ASTN2: variants seen among roughly 807,000 people sequenced by gnomAD.
The protein encoded by ASTN2 is astrotactin 2, also known as astrotactin-2.
ASTN2 carries 54 observed loss-of-function variants against 139.8 expected under a neutral mutation model. The ratio of observed to expected loss-of-function variants is 0.39; its 90% CI spans 0.31 to 0.48. ASTN2 has a LOEUF of 0.48. ASTN2 is among the 20% of genes least tolerant of loss of function. The pLI, the probability that ASTN2 is intolerant of heterozygous loss-of-function variation, is 0.95. For missense variants in ASTN2, 1,565 were observed against 1,725.1 expected, an observed-to-expected ratio of 0.91 and a Z score of 1.64; for synonymous variants, 756 against 719.5, an observed-to-expected ratio of 1.05 and a Z score of -0.81.
At chr9:116,532,862 C>A (rs921805903) in intron 19 of ASTN2, among the ~76,000 whole-genome samples, 1 of 152,090 alleles carries the variant, frequency 6.6e-6, no homozygotes, top group African/African-American at 2.4e-5. Context: ...TTTGTTTCCA[C>A]ATGAACTTTA....
chr9:116,567,188 T>C (rs562044508), intron 19 of ASTN2, among the ~76,000 whole-genome samples: 1 of 152,354 alleles, frequency 6.6e-6, no homozygotes, highest in East Asian at 1.9e-4. Flanking sequence ...ACTGGCTGAT[T>C]TCCAACATAT....
At chr9:117,235,106 C>A (rs1833007480) in intron 2 of ASTN2, among the ~76,000 whole-genome samples, 1 of 152,034 alleles carries the variant, frequency 6.6e-6, no homozygotes, top group Non-Finnish European at 1.5e-5. Flanking sequence ...TGGTGACAGG[C>A]ACCTGTAATC....
rs10119375 is a variant in ASTN2 at position 116,565,255 on chromosome 9, C to T, written c.3355+53069G>A. Among the ~76,000 whole-genome samples, 118 of 111,038 alleles carry T rather than the reference C, an allele frequency of 1.1e-3. 1 individual carries two copies. The highest frequency in any genetic ancestry group is 4.3e-3 in the African/African-American group (108 of 25,320). 72.8% of individuals were successfully genotyped at this position (111,038 alleles called of 152,430 possible). On this transcript the variant is annotated intron_variant, in intron 19 of 22. Transcript: ENST00000313400. ...ACACACACACACACACACACACACA[C>T]ACATATGCCCCATACTGAGGAGATT...
At chr9:116,762,462 C>G (rs754377082) in intron 13 of ASTN2, among the ~76,000 whole-genome samples, 6 of 152,174 alleles carry the variant, frequency 3.9e-5, no homozygotes, top group Non-Finnish European at 8.8e-5. Context: ...GATGTGGACT[C>G]TTATCTATTG....
intron 3 of ASTN2, among the ~76,000 whole-genome samples, chr9:117,177,502 G>C (rs1048271639): frequency 6.6e-6 from 1 of 152,242 alleles, no homozygotes; most frequent in Middle Eastern, 3.4e-3. Flanking sequence ...CCTTAGAATT[G>C]TGTGACCAAA....
At chr9:117,106,024 T>C (rs1195117675) in intron 4 of ASTN2, among the ~76,000 whole-genome samples, 2 of 152,112 alleles carry the variant, frequency 1.3e-5, no homozygotes, top group Non-Finnish European at 2.9e-5. Context: ...TTCTGGAAGC[T>C]ACAGTAGAGT....
chr9:117,196,375 G>T (rs528002975), intron 3 of ASTN2, among the ~76,000 whole-genome samples: 1 of 152,250 alleles, frequency 6.6e-6, no homozygotes, highest in African/African-American at 2.4e-5. Context: ...TTCTACTCAG[G>T]ATTAATTACA....
chr9:116,586,946 C>T (rs1337928729), intron 19 of ASTN2, among the ~76,000 whole-genome samples: 1 of 152,040 alleles, frequency 6.6e-6, no homozygotes, highest in Non-Finnish European at 1.5e-5. Flanking sequence ...AGGAGCCACG[C>T]TCTCAAGTTG....
intron 19 of ASTN2, among the ~76,000 whole-genome samples, chr9:116,505,367 C>T (rs1850064078): frequency 6.6e-6 from 1 of 151,982 alleles, no homozygotes; most frequent in South Asian, 2.1e-4. Context: ...TCCACCTCTC[C>T]CTTACTGGAT....
At chr9:116,460,131 A>T (rs117703672) in intron 20 of ASTN2, among the ~76,000 whole-genome samples, 1 of 152,274 alleles carries the variant, frequency 6.6e-6, no homozygotes, top group Non-Finnish European at 1.5e-5. Context: ...AAACATGCTA[A>T]GTGAAAGAAT....
chr9:116,750,230 C>T (rs186831004), intron 13 of ASTN2, among the ~76,000 whole-genome samples: 39 of 152,248 alleles, frequency 2.6e-4, no homozygotes, highest in African/African-American at 8.2e-4. Context: ...TTTTAACTGA[C>T]GACACAGCAT....
intron 19 of ASTN2, chr9:116,562,288 C>T (rs1434967879): frequency 6.6e-6 from 1 of 152,190 alleles, no homozygotes; most frequent in Non-Finnish European, 1.5e-5. Flanking sequence ...AACCTGTTTA[C>T]ATTTGATTAA....
At chr9:116,965,154 C>T (rs147792577) in intron 10 of ASTN2, among the ~76,000 whole-genome samples, 1 of 152,330 alleles carries the variant, frequency 6.6e-6, no homozygotes, top group East Asian at 1.9e-4. Flanking sequence ...CAGAAACCTT[C>T]CCAGCATAAT....
intron 11 of ASTN2, among the ~76,000 whole-genome samples, chr9:116,830,018 A>G (rs1831760425): frequency 6.6e-6 from 1 of 152,264 alleles, no homozygotes; most frequent in African/African-American, 2.4e-5. Flanking sequence ...TACACAGCAA[A>G]AGAAACTATC....
At chr9:116,908,656 G>A (rs1238929487) in intron 10 of ASTN2, among the ~76,000 whole-genome samples, 3 of 152,180 alleles carry the variant, frequency 2.0e-5, no homozygotes, top group Non-Finnish European at 4.4e-5. Flanking sequence ...AGAGAGAGGT[G>A]GGGAAAGAGC....
chr9:116,910,060 G>A (rs898394401), intron 10 of ASTN2, among the ~76,000 whole-genome samples: 2 of 152,174 alleles, frequency 1.3e-5, no homozygotes, highest in African/African-American at 4.8e-5. Context: ...GAAATTGCAG[G>A]AGCAAAGCCC....
In ASTN2 at chr9:117,396,795, A is replaced by T. The variant is rs185179758; in HGVS notation, c.442+17702T>A. On this transcript the variant is annotated intron_variant, in intron 1 of 22. Transcript: ENST00000313400. ...TGGCAAAGCTGGTCTCAAGCTCCTG[A>T]CCTCAAGTGATCTGCCCGTCTTGGT... Among the ~76,000 whole-genome samples the T allele has an allele frequency of 6.4e-4, 98 of 152,110 alleles. 1 individual carries two copies. The highest frequency in any genetic ancestry group is 2.2e-3 in the African/African-American group (92 of 41,480).
chr9:117,244,372 G>A (rs1833303975), intron 2 of ASTN2, among the ~76,000 whole-genome samples: 1 of 152,058 alleles, frequency 6.6e-6, no homozygotes. Context: ...CTCCTTAAAG[G>A]CAACTGCCTC....
chr9:117,365,722 C>T (rs1313656164), intron 1 of ASTN2, among the ~76,000 whole-genome samples: 13 of 152,138 alleles, frequency 8.5e-5, no homozygotes, highest in Admixed American at 8.5e-4. Context: ...AACAGTTTGG[C>T]CAACAGATCC....
Sources: allele counts gnomAD v4.1 joint callset (sites outside exome capture counted in the v4.1 genomes callset), GRCh38; gene constraint gnomAD v4.1.1; transcripts MANE v1.5; gene names NCBI Gene and HGNC (gene_info 2026-07-23, HGNC 2026-07-21).